Variants in PLCB4 observed in about 807,000 individuals in gnomAD.
The protein encoded by PLCB4 is phospholipase C beta 4, also known as 1-phosphatidylinositol 4,5-bisphosphate phosphodiesterase beta-4.
In PLCB4, 77 loss-of-function variants were observed where a neutral mutation model predicts 178.8. The ratio of observed to expected loss-of-function variants is 0.43; its 90% CI spans 0.36 to 0.52. The LOEUF (loss-of-function observed/expected upper bound fraction) is 0.52. PLCB4 is among the 20% of genes least tolerant of loss of function. The probability of loss-of-function intolerance (pLI) is 0.00; values close to 1 mark genes in which losing one functional copy is unlikely to be tolerated. For synonymous variants in PLCB4, 496 were observed against 490.8 expected, an observed-to-expected ratio of 1.01 and a Z score of -0.14; for missense variants, 1,024 against 1,453.4, an observed-to-expected ratio of 0.70 and a Z score of 4.80.
At chr20:9,170,288 T>C (rs571058606) in intron 2 of PLCB4, among the ~76,000 whole-genome samples, 7 of 152,374 alleles carry the variant, frequency 4.6e-5, no homozygotes, top group Admixed American at 3.9e-4. Context: ...CAACACTTTC[T>C]TACAAATTAA....
chr20:9,288,039 C>T (rs1202295541), intron 3 of PLCB4, among the ~76,000 whole-genome samples: 1 of 152,098 alleles, frequency 6.6e-6, no homozygotes, highest in Admixed American at 6.6e-5. Context: ...CCTTGCCAAG[C>T]TCACCTGAGG....
At chr20:9,426,946 C>T (rs1188338442) in intron 28 of PLCB4, among the ~76,000 whole-genome samples, 1 of 151,986 alleles carries the variant, frequency 6.6e-6, no homozygotes, top group Non-Finnish European at 1.5e-5. Flanking sequence ...CAAAACTGGC[C>T]AGGCGCGGTG....
At chr20:9,328,604 G>T (rs8121854) in intron 4 of PLCB4, among the ~76,000 whole-genome samples, 2 of 152,192 alleles carry the variant, frequency 1.3e-5, no homozygotes, top group African/African-American at 2.4e-5. Context: ...TACCTGAGCC[G>T]ACTGCTGAGC....
Position 9,096,332 on chromosome 20 carries a change from C to A in PLCB4, c.-89C>A, listed in dbSNP as rs569800982. The stretch of plus-strand genomic sequence containing the variant: ...ATTCAGAATCCTGAAAATGTGATCT[C>A]CCTTAAAAAGGTAGGTGTATGTGCT... On this transcript the variant is annotated 5_prime_UTR_variant, in exon 2 of 40. Coordinates refer to ENST00000378473, the MANE Select transcript of PLCB4 (RefSeq NM_001377142.1). 6.6e-6 allele frequency: 1 copy of A among 152,118 alleles called. No individual in the cohort carries two copies. Among genetic ancestry groups the A allele is most frequent in the African/African-American group, 2.4e-5 (1 of 41,434 alleles). 9.4% of individuals were successfully genotyped at this position (152,118 alleles called of 1,614,324 possible).
At chr20:9,139,887 G>A (rs143014281) in intron 2 of PLCB4, among the ~76,000 whole-genome samples, 2 of 152,120 alleles carry the variant, frequency 1.3e-5, no homozygotes, top group East Asian at 3.9e-4. Flanking sequence ...TGGTTGACAG[G>A]GCCAAGTCTT....
At chr20:9,214,021 C>A (rs992931231) in intron 2 of PLCB4, among the ~76,000 whole-genome samples, 1 of 152,126 alleles carries the variant, frequency 6.6e-6, no homozygotes, top group Non-Finnish European at 1.5e-5. Flanking sequence ...GTTCTTACAT[C>A]CTGGATAAAA....
intron 4 of PLCB4, among the ~76,000 whole-genome samples, chr20:9,324,625 T>G (rs1264718989): frequency 6.6e-6 from 1 of 152,212 alleles, no homozygotes; most frequent in Non-Finnish European, 1.5e-5. Context: ...TCCAGGACTC[T>G]GCTGCCATTT....
intron 3 of PLCB4, among the ~76,000 whole-genome samples, chr20:9,292,153 C>G: frequency 6.6e-6 from 1 of 152,202 alleles, no homozygotes; most frequent in Non-Finnish European, 1.5e-5. Flanking sequence ...TTACAATCCT[C>G]AGGCTTACTC....
intron 3 of PLCB4, among the ~76,000 whole-genome samples, chr20:9,248,841 A>C (rs1252775447): frequency 6.6e-6 from 1 of 150,608 alleles, no homozygotes; most frequent in Admixed American, 6.6e-5. Flanking sequence ...AGTGACTTAA[A>C]ACAACACAAG....
intron 26 of PLCB4, 104 bp from the exon 27 acceptor site, chr20:9,421,193 C>T: frequency 2.4e-6 from 2 of 822,700 alleles, no homozygotes; most frequent in Middle Eastern, 3.9e-4. Context: ...AATTGAAATT[C>T]CTGCTCCCAC....
intron 7 of PLCB4, 55 bp downstream of exon 7, chr20:9,339,092 GT>G: frequency 7.3e-7 from 1 of 1,371,636 alleles, no homozygotes; most frequent in Non-Finnish European, 1.0e-6. Context: ...TATGTTGTGT[GT>G]TTAATTTTAT....
intron 1 of PLCB4, among the ~76,000 whole-genome samples, chr20:9,078,031 G>A (rs1177138666): frequency 2.0e-5 from 3 of 152,218 alleles, no homozygotes; most frequent in African/African-American, 7.2e-5. Context: ...GCTCAGGCTA[G>A]AGTGTAGTGA....
intron 3 of PLCB4, among the ~76,000 whole-genome samples, chr20:9,219,688 C>G (rs2147283230): frequency 6.6e-6 from 1 of 152,298 alleles, no homozygotes; most frequent in South Asian, 2.1e-4. Flanking sequence ...GGCCTCTACT[C>G]TAGCATCATT....
At chr20:9,157,176 A>G (rs1361652651) in intron 2 of PLCB4, among the ~76,000 whole-genome samples, 2 of 152,010 alleles carry the variant, frequency 1.3e-5, no homozygotes, top group East Asian at 3.9e-4. Flanking sequence ...ACATGAACAA[A>G]TGGAGGAATT....
intron 3 of PLCB4, among the ~76,000 whole-genome samples, chr20:9,271,560 A>C (rs1273763953): frequency 6.6e-6 from 1 of 152,148 alleles, no homozygotes; most frequent in African/African-American, 2.4e-5. Context: ...TTTTTTATAC[A>C]TGAATTATGT....
At chr20:9,242,503 A>C (rs962003246) in intron 3 of PLCB4, among the ~76,000 whole-genome samples, 1 of 152,190 alleles carries the variant, frequency 6.6e-6, no homozygotes, top group African/African-American at 2.4e-5. Flanking sequence ...GGACCATTTC[A>C]TCTGGGGGAA....
chr20:9,403,396 A>T (rs954886903), intron 20 of PLCB4, among the ~76,000 whole-genome samples: 3 of 152,208 alleles, frequency 2.0e-5, no homozygotes, highest in African/African-American at 7.2e-5. Flanking sequence ...AGGCAGTGAC[A>T]CCAAGAAAAC....
intron 2 of PLCB4, among the ~76,000 whole-genome samples, chr20:9,213,832 C>CTT (rs1039238244): frequency 6.6e-6 from 1 of 152,110 alleles, no homozygotes; most frequent in African/African-American, 2.4e-5. Context: ...CTTGTTATGT[C>CTT]TTTTGATTAT....
chr20:9,286,913 A>G (rs555027737), intron 3 of PLCB4, among the ~76,000 whole-genome samples: 1 of 152,120 alleles, frequency 6.6e-6, no homozygotes, highest in South Asian at 2.1e-4. Context: ...CTGTGAGCCA[A>G]ACAACTTCTT....
Sources: gnomAD v4.1 joint callset for allele counts (sites outside exome capture counted in the v4.1 genomes callset) on GRCh38, gnomAD v4.1.1 for gene constraint, MANE v1.5 for transcripts, NCBI Gene and HGNC (gene_info 2026-07-23, HGNC 2026-07-21) for gene names.